The following CAMK1D variants were observed in gnomAD, a reference collection of about 807,000 sequenced individuals.
CAMK1D encodes the protein calcium/calmodulin dependent protein kinase ID.
CAMK1D carries 9 observed loss-of-function variants against 47.7 expected under a neutral mutation model. The ratio of observed to expected loss-of-function variants is 0.19; its 90% CI spans 0.11 to 0.33. The LOEUF (loss-of-function observed/expected upper bound fraction) is 0.33, where lower values mean the gene tolerates loss of function less well. Among genes scored for constraint, CAMK1D ranks in the 10% least tolerant of loss-of-function variants. The pLI is 1.00. For missense variants in CAMK1D, 291 were observed against 488.7 expected (o/e 0.60, Z 3.81); for synonymous variants, 184 against 184.9 (o/e 0.99, Z 0.04).
At chr10:12,352,380 C>A (rs529052848) in intron 1 of CAMK1D, among the ~76,000 whole-genome samples, 4 of 152,094 alleles carry the variant, frequency 2.6e-5, no homozygotes, top group African/African-American at 7.2e-5. Context: ...GAGGCTGAGG[C>A]GAGCTGATCA....
At chr10:12,721,369 A>T (rs1184760096) in intron 3 of CAMK1D, among the ~76,000 whole-genome samples, 1 of 152,244 alleles carries the variant, frequency 6.6e-6, no homozygotes, top group Non-Finnish European at 1.5e-5. Context: ...ACAGGGAAGA[A>T]TAGGATTTAA....
At chr10:12,570,025 CCGCATCTCAACTAAAAATACAAAAAGTAG>C (rs1189914328) in intron 2 of CAMK1D, among the ~76,000 whole-genome samples, 1 of 151,866 alleles carries the variant, frequency 6.6e-6, no homozygotes, top group Admixed American at 6.6e-5. Flanking sequence ...TATGGTGAAA[CCGCATCTCAACTAAAAATACAAAAAGTAG>C]CTGGATGTGG....
chr10:12,806,463 T>C (rs1838736125), intron 6 of CAMK1D, among the ~76,000 whole-genome samples: 1 of 152,220 alleles, frequency 6.6e-6, no homozygotes, highest in Non-Finnish European at 1.5e-5. Context: ...GACTGCTCTC[T>C]CTTCCCTGCC....
chr10:12,737,578 C>T (rs112506871), intron 3 of CAMK1D, among the ~76,000 whole-genome samples: 1 of 152,184 alleles, frequency 6.6e-6, no homozygotes, highest in Non-Finnish European at 1.5e-5. Flanking sequence ...TGAAACCTTC[C>T]TTGGCCTCGC....
intron 1 of CAMK1D, among the ~76,000 whole-genome samples, chr10:12,510,537 CACATCTGAGA>C (rs1306954303): frequency 5.3e-5 from 8 of 152,234 alleles, no homozygotes; most frequent in African/African-American, 1.9e-4. Flanking sequence ...TTCGAACAAG[CACATCTGAGA>C]ACTGAATGTA....
At chr10:12,802,467 T>TG (rs1198522980) in intron 6 of CAMK1D, among the ~76,000 whole-genome samples, 2 of 152,204 alleles carry the variant, frequency 1.3e-5, no homozygotes, top group African/African-American at 4.8e-5. Context: ...AAATGCAGAC[T>TG]GGGTAGAACA....
rs569513029 is a variant in CAMK1D, at chr10:12,612,036, A to G, written c.225-54700A>G. On this transcript the variant is annotated intron_variant, in intron 2 of 10. Coordinates refer to ENST00000619168, the MANE Select transcript of CAMK1D (RefSeq NM_153498.4). ...CTTGCTGGACACGGTAGATAAACTA[A>G]AAAGCACTCCCTCTTAGGATGCTCC... Among the ~76,000 whole-genome samples, 16 of 152,322 alleles carry G rather than the reference A, an allele frequency of 1.1e-4. No homozygotes were observed. The South Asian group carries it at 1.9e-3, about 18-fold the overall frequency.
intron 2 of CAMK1D, among the ~76,000 whole-genome samples, chr10:12,638,979 A>ATGTC (rs999045531): frequency 2.0e-5 from 3 of 152,084 alleles, no homozygotes; most frequent in Admixed American, 2.0e-4. Flanking sequence ...TCCTCTTGGA[A>ATGTC]TGTCGTCTTC....
intron 3 of CAMK1D, among the ~76,000 whole-genome samples, chr10:12,751,729 C>A (rs984022792): frequency 1.3e-5 from 2 of 152,112 alleles, no homozygotes; most frequent in African/African-American, 4.8e-5. Flanking sequence ...GCGATGAGTA[C>A]GGGTAGAAAG....
intron 8 of CAMK1D, among the ~76,000 whole-genome samples, chr10:12,820,329 C>T (rs1832971517): frequency 1.3e-5 from 2 of 152,214 alleles, no homozygotes; most frequent in African/African-American, 4.8e-5. Context: ...GCCTACAGTA[C>T]ATTTTAACCC....
At chr10:12,621,039 T>G (rs1484829271) in intron 2 of CAMK1D, among the ~76,000 whole-genome samples, 1 of 152,218 alleles carries the variant, frequency 6.6e-6, no homozygotes, top group Admixed American at 6.5e-5. Flanking sequence ...CATGTGTGTA[T>G]ATAAGAGGCT....
At chr10:12,383,748 A>G (rs1838409972) in intron 1 of CAMK1D, among the ~76,000 whole-genome samples, 1 of 152,360 alleles carries the variant, frequency 6.6e-6, no homozygotes, top group East Asian at 1.9e-4. Context: ...CAGAGCTAAA[A>G]TCACACTTAA....
intron 1 of CAMK1D, among the ~76,000 whole-genome samples, chr10:12,466,232 C>T (rs543069826): frequency 1.3e-5 from 2 of 152,074 alleles, no homozygotes; most frequent in African/African-American, 4.8e-5. Flanking sequence ...ACGGTGAAAC[C>T]CCATCTCTAC....
intron 3 of CAMK1D, among the ~76,000 whole-genome samples, chr10:12,737,154 C>G (rs993159847): frequency 6.6e-6 from 1 of 152,136 alleles, no homozygotes; most frequent in Non-Finnish European, 1.5e-5. Flanking sequence ...CCCTCGCCCC[C>G]ATCCATCAGC....
chr10:12,704,396 T>C (rs1833650313), intron 3 of CAMK1D, among the ~76,000 whole-genome samples: 1 of 152,186 alleles, frequency 6.6e-6, no homozygotes, highest in South Asian at 2.1e-4. Flanking sequence ...TGAAAATGGC[T>C]AGGGACCAGT....
chr10:12,753,483 A>C (rs1447393639), intron 3 of CAMK1D, among the ~76,000 whole-genome samples: 2 of 152,206 alleles, frequency 1.3e-5, no homozygotes, highest in Non-Finnish European at 2.9e-5. Flanking sequence ...TCATTAGACT[A>C]AAAGTTTATA....
At chr10:12,611,588 C>CTTTTTTTTTTTTTTTTTTTTTTTTTTTTT (rs71386105) in intron 2 of CAMK1D, among the ~76,000 whole-genome samples, 2 of 59,906 alleles carry the variant, frequency 3.3e-5, no homozygotes, top group Non-Finnish European at 6.6e-5. Flanking sequence ...TTCAGAATGC[C>CTTTTTTTTTTTTTTTTTTTTTTTTTTTTT]TTTTTTTTTT....
At chr10:12,484,658 C>T (rs1050508783) in intron 1 of CAMK1D, among the ~76,000 whole-genome samples, 4 of 152,172 alleles carry the variant, frequency 2.6e-5, no homozygotes, top group South Asian at 2.1e-4. Context: ...GCAGTGGAAG[C>T]GATGACGTCC....
chr10:12,391,004 T>G (rs927953053), intron 1 of CAMK1D, among the ~76,000 whole-genome samples: 4 of 151,716 alleles, frequency 2.6e-5, no homozygotes, highest in Non-Finnish European at 4.4e-5. Flanking sequence ...GAGTAGGAGG[T>G]GGGAAGGGGT....
Sources: allele counts gnomAD v4.1 joint callset (sites outside exome capture counted in the v4.1 genomes callset), GRCh38; gene constraint gnomAD v4.1.1; transcripts MANE v1.5; gene names NCBI Gene and HGNC (gene_info 2026-07-23, HGNC 2026-07-21).